MDGA2: variants seen among roughly 807,000 people sequenced by gnomAD.
The protein encoded by MDGA2 is MAM domain-containing glycosylphosphatidylinositol anchor protein 2.
Under a neutral mutation model 117.8 loss-of-function variants are expected in MDGA2, and 40 were observed. The observed-to-expected ratio is 0.34, with a 90% confidence interval of 0.26 to 0.44. The LOEUF (loss-of-function observed/expected upper bound fraction) is 0.44, where lower values mean the gene tolerates loss of function less well. Ranked by LOEUF, MDGA2 falls within the 20% of genes least tolerant of loss-of-function variation. MDGA2 has a pLI of 1.00. For missense variants in MDGA2, 1,123 were observed against 1,250.6 expected, an observed-to-expected ratio of 0.90 and a Z score of 1.54; for synonymous variants, 452 against 439.0, an observed-to-expected ratio of 1.03 and a Z score of -0.37.
At chr14:46,976,764 A>G (rs1267981320) in intron 8 of MDGA2, among the ~76,000 whole-genome samples, 1 of 151,586 alleles carries the variant, frequency 6.6e-6, no homozygotes, top group South Asian at 2.1e-4. Context: ...TTTTTCTCAT[A>G]TTTTTCTAAA....
chr14:47,468,349 C>A (rs1015787406), intron 1 of MDGA2, among the ~76,000 whole-genome samples: 1 of 152,116 alleles, frequency 6.6e-6, no homozygotes, highest in East Asian at 1.9e-4. Flanking sequence ...TCAAAGTAGA[C>A]GGACACATGT....
At chr14:47,583,741 T>C (rs945379660) in intron 1 of MDGA2, among the ~76,000 whole-genome samples, 1 of 151,876 alleles carries the variant, frequency 6.6e-6, no homozygotes, top group Non-Finnish European at 1.5e-5. Flanking sequence ...CCCCAGATGA[T>C]ATGTGATTAC....
chr14:47,365,049 G>A (rs1229037132), intron 1 of MDGA2, among the ~76,000 whole-genome samples: 1 of 152,124 alleles, frequency 6.6e-6, no homozygotes, highest in East Asian at 1.9e-4. Context: ...ACAAAATAAA[G>A]TTCCTTTGGG....
chr14:47,419,331 A>G (rs758948859), intron 1 of MDGA2, among the ~76,000 whole-genome samples: 1 of 152,114 alleles, frequency 6.6e-6, no homozygotes, highest in Non-Finnish European at 1.5e-5. Flanking sequence ...TTGTTCTATC[A>G]GAGATTTAGT....
chr14:46,843,641 T>C (rs1458813653), intron 16 of MDGA2, among the ~76,000 whole-genome samples: 1 of 152,122 alleles, frequency 6.6e-6, no homozygotes, highest in East Asian at 1.9e-4. Context: ...AATGGCTCAT[T>C]GTTATATAAA....
chr14:47,623,108 G>C (rs1239421168), intron 1 of MDGA2, among the ~76,000 whole-genome samples: 1 of 152,114 alleles, frequency 6.6e-6, no homozygotes, highest in African/African-American at 2.4e-5. Flanking sequence ...CAATATCTCA[G>C]GCATGGGTTT....
At chr14:47,137,972 A>G (rs1405588369) in intron 4 of MDGA2, among the ~76,000 whole-genome samples, 2 of 152,184 alleles carry the variant, frequency 1.3e-5, no homozygotes, top group Non-Finnish European at 2.9e-5. Flanking sequence ...GGTAATACAG[A>G]TGAAGTCTGT....
intron 5 of MDGA2, among the ~76,000 whole-genome samples, chr14:47,106,545 A>G (rs1197633799): frequency 2.6e-5 from 4 of 151,842 alleles, no homozygotes; most frequent in Non-Finnish European, 4.4e-5. Context: ...GACCCCACTG[A>G]AAATCGGACT....
intron 3 of MDGA2, among the ~76,000 whole-genome samples, chr14:47,211,309 T>C (rs887050445): frequency 2.6e-5 from 4 of 152,186 alleles, no homozygotes; most frequent in African/African-American, 9.6e-5. Context: ...CTTGCTAATA[T>C]GTTAGTCTGC....
At chr14:47,345,568 T>G (rs1478859349) in intron 1 of MDGA2, among the ~76,000 whole-genome samples, 2 of 152,006 alleles carry the variant, frequency 1.3e-5, no homozygotes, top group Non-Finnish European at 2.9e-5. Flanking sequence ...CTGTACAATT[T>G]GAAAATTTAT....
intron 8 of MDGA2, among the ~76,000 whole-genome samples, chr14:46,976,802 G>A (rs1054187768): frequency 2.0e-5 from 3 of 151,498 alleles, no homozygotes; most frequent in African/African-American, 7.3e-5. Flanking sequence ...TGAGTCTTCA[G>A]GAATATAATC....
intron 2 of MDGA2, among the ~76,000 whole-genome samples, chr14:47,256,051 A>C (rs1887606620): frequency 6.6e-6 from 1 of 151,056 alleles, no homozygotes. Context: ...AATTCCTCAA[A>C]GTTTGGGTTA....
At chr14:47,639,504 A>G (rs1566553815) in intron 1 of MDGA2, among the ~76,000 whole-genome samples, 1 of 152,168 alleles carries the variant, frequency 6.6e-6, no homozygotes, top group Non-Finnish European at 1.5e-5. Context: ...CATGGGCTCC[A>G]GCATACGGTG....
chr14:46,895,505 C>A (rs1883039738), intron 10 of MDGA2, among the ~76,000 whole-genome samples: 1 of 152,260 alleles, frequency 6.6e-6, no homozygotes, highest in African/African-American at 2.4e-5. Flanking sequence ...GCGGGTGGAT[C>A]ACCTGAGGTC....
chr14:47,265,543 T>C (rs898771808), intron 2 of MDGA2, among the ~76,000 whole-genome samples: 1 of 152,088 alleles, frequency 6.6e-6, no homozygotes, highest in African/African-American at 2.4e-5. Context: ...TACTATCTTA[T>C]TTGCTTTGAA....
chr14:47,323,197 A>G (rs1026996765), intron 1 of MDGA2, among the ~76,000 whole-genome samples: 1 of 119,758 alleles, frequency 8.4e-6, no homozygotes, highest in African/African-American at 3.1e-5. Context: ...TATATATGGT[A>G]TATAGTTACA....
Position 46,935,844 on chromosome 14 carries a change from G to A in MDGA2, c.2090-15684C>T, listed in dbSNP as rs532536977. Among the ~76,000 whole-genome samples, 9 of 152,268 alleles carry A rather than the reference G, an allele frequency of 5.9e-5. 1 individual carries two copies. Among genetic ancestry groups the A allele is most frequent in the African/African-American group, 1.9e-4 (8 of 41,574 alleles). On this transcript the variant is annotated intron_variant, in intron 9 of 16. Coordinates refer to ENST00000399232, the MANE Select transcript of MDGA2 (RefSeq NM_001113498.3). ...CAGAAAGTGTTTGGGTTGACATGGA[G>A]AGTTGGGAGAAGTTGCGACACTTCC...
intron 10 of MDGA2, among the ~76,000 whole-genome samples, chr14:46,916,493 G>C (rs1376107651): frequency 6.6e-6 from 1 of 150,978 alleles, no homozygotes; most frequent in African/African-American, 2.4e-5. Flanking sequence ...TTTTAAAAAA[G>C]AACTACATCG....
At chr14:47,357,595 T>G (rs1244299847) in intron 1 of MDGA2, among the ~76,000 whole-genome samples, 1 of 152,152 alleles carries the variant, frequency 6.6e-6, no homozygotes, top group African/African-American at 2.4e-5. Flanking sequence ...ACCAGAAGGG[T>G]AGCTCAAGCA....
Sources: allele counts gnomAD v4.1 joint callset (sites outside exome capture counted in the v4.1 genomes callset), GRCh38; gene constraint gnomAD v4.1.1; transcripts MANE v1.5; gene names NCBI Gene and HGNC (gene_info 2026-07-23, HGNC 2026-07-21).